The following PTPRD variants were observed in gnomAD, a reference collection of about 807,000 sequenced individuals.
The protein encoded by PTPRD is receptor-type tyrosine-protein phosphatase delta.
Under a neutral mutation model 214.5 loss-of-function variants are expected in PTPRD, and 34 were observed. The observed-to-expected ratio is 0.16, with a 90% CI of 0.12 to 0.21. PTPRD has a LOEUF of 0.21. Ranked by LOEUF, PTPRD falls within the 10% of genes least tolerant of loss-of-function variation. The pLI is 1.00. For synonymous variants in PTPRD, 1,128 were observed against 845.7 expected, an observed-to-expected ratio of 1.33 and a Z score of -5.79; for missense variants, 2,545 against 2,398.7, an observed-to-expected ratio of 1.06 and a Z score of -1.27.
intron 9 of PTPRD, among the ~76,000 whole-genome samples, chr9:9,370,152 T>G (rs373763297): frequency 6.6e-6 from 1 of 152,096 alleles, no homozygotes; most frequent in Non-Finnish European, 1.5e-5. Context: ...GTGAAGAAAG[T>G]CATTGGTAGC....
At chr9:8,855,119 G>C (rs552080497) in intron 11 of PTPRD, among the ~76,000 whole-genome samples, 13 of 86,442 alleles carry the variant, frequency 1.5e-4, no homozygotes, top group African/African-American at 5.4e-4. Flanking sequence ...TTGGGGGAAT[G>C]CCTACTTGAA....
At chr9:10,030,876 T>C (rs1197533909) in intron 4 of PTPRD, among the ~76,000 whole-genome samples, 1 of 152,208 alleles carries the variant, frequency 6.6e-6, no homozygotes, top group Non-Finnish European at 1.5e-5. Context: ...GAACTTTGAG[T>C]ACAAAGCTGC....
At position 10,020,088 on chromosome 9, in the gene PTPRD, T is replaced by C. The variant is rs114406357; in HGVS notation, c.-472+13630A>G. 9.2e-3 allele frequency among the ~76,000 whole-genome samples: 1,398 copies of C among 152,302 alleles called. 18 individuals carry two copies. The highest frequency in any genetic ancestry group is 0.032 in the African/African-American group (1,314 of 41,568). On this transcript the variant is annotated intron_variant, in intron 4 of 45. Transcript: ENST00000381196. ...AGAAAGACGGAAGTTATTAATAACC[T>C]TACTTTTGTGATTTGAAGAAGTTAA... is the stretch of plus-strand genomic sequence containing the variant.
At chr9:9,523,790 C>T (rs1021573490) in intron 8 of PTPRD, among the ~76,000 whole-genome samples, 1 of 152,172 alleles carries the variant, frequency 6.6e-6, no homozygotes, top group Admixed American at 6.5e-5. Flanking sequence ...CTCTATTTTA[C>T]TTCTCAGCTT....
At chr9:9,756,277 C>G (rs775592083) in intron 6 of PTPRD, among the ~76,000 whole-genome samples, 2 of 152,106 alleles carry the variant, frequency 1.3e-5, no homozygotes, top group African/African-American at 4.8e-5. Context: ...TCTATGGTTT[C>G]TCTCTCAGTA....
chr9:8,602,072 C>G (rs1208278876), intron 14 of PTPRD, among the ~76,000 whole-genome samples: 1 of 152,138 alleles, frequency 6.6e-6, no homozygotes, highest in South Asian at 2.1e-4. Context: ...TGCTACCAAA[C>G]AGAAGATGAA....
intron 7 of PTPRD, among the ~76,000 whole-genome samples, chr9:9,698,176 T>C (rs1355670047): frequency 6.6e-6 from 1 of 152,204 alleles, no homozygotes; most frequent in African/African-American, 2.4e-5. Flanking sequence ...CGGAAGGTCA[T>C]AGTTCCCTCT....
intron 3 of PTPRD, among the ~76,000 whole-genome samples, chr9:10,266,551 A>T (rs1242411349): frequency 6.6e-6 from 1 of 152,190 alleles, no homozygotes; most frequent in African/African-American, 2.4e-5. Flanking sequence ...TAATGTTATT[A>T]ACTAATGGTA....
At chr9:10,175,926 C>T (rs912279105) in intron 3 of PTPRD, among the ~76,000 whole-genome samples, 15 of 151,936 alleles carry the variant, frequency 9.9e-5, no homozygotes, top group Non-Finnish European at 2.9e-5. Context: ...TTCTTAATAG[C>T]ATTTTCCAAC....
chr9:8,625,953 G>T (rs746850712), intron 14 of PTPRD, among the ~76,000 whole-genome samples: 3 of 151,182 alleles, frequency 2.0e-5, no homozygotes, highest in Non-Finnish European at 3.0e-5. Context: ...GTTTAATGTG[G>T]CATTAATTCA....
chr9:9,742,743 G>C lies in PTPRD; in HGVS notation c.-325-8172C>G, dbSNP rs367665336. Among the ~76,000 whole-genome samples, 7 of 152,118 alleles carry C rather than the reference G, an allele frequency of 4.6e-5. No individual in the cohort carries two copies. In the East Asian group the frequency reaches 9.7e-4, roughly 21 times the overall value. ...ACCTAGACCTTAGTGTTTCCACTTA[G>C]ACACACCTGTTATAAATATCAACTC... On this transcript the variant is annotated intron_variant, in intron 6 of 45. Transcript: ENST00000381196.
intron 4 of PTPRD, among the ~76,000 whole-genome samples, chr9:9,950,645 AC>A (rs1374418104): frequency 3.9e-5 from 2 of 51,732 alleles, no homozygotes; most frequent in Non-Finnish European, 5.7e-5. Context: ...AATGGCGTGA[AC>A]CCCAGGGGGC....
chr9:10,150,095 A>G (rs897741357), intron 3 of PTPRD, among the ~76,000 whole-genome samples: 2 of 152,208 alleles, frequency 1.3e-5, no homozygotes, highest in Admixed American at 6.5e-5. Context: ...AAACCTGCAC[A>G]CTAAATTTTA....
chr9:10,573,600 C>G (rs2068171850), intron 2 of PTPRD, among the ~76,000 whole-genome samples: 1 of 152,050 alleles, frequency 6.6e-6, no homozygotes, highest in Non-Finnish European at 1.5e-5. Flanking sequence ...GCATTGAGAG[C>G]AGATGGAGAG....
rs2075284861 is a variant in PTPRD at position 10,590,923 on chromosome 9, ATATAT to A, written c.-600+21470_-600+21474del. On this transcript the variant is annotated intron_variant, in intron 2 of 45. Transcript: ENST00000381196. ...TATAAAATATATATAAATTATATAA[ATATAT>A]TACACTGTATATAGGTTATACCTAA... 2.7e-5 allele frequency among the ~76,000 whole-genome samples: 4 copies of A among 150,812 alleles called. No individual in the cohort carries two copies. The Admixed American group carries it at 2.7e-4, about 10-fold the overall frequency.
chr9:10,209,393 C>A (rs893497919), intron 3 of PTPRD, among the ~76,000 whole-genome samples: 5 of 152,128 alleles, frequency 3.3e-5, no homozygotes, highest in Non-Finnish European at 5.9e-5. Context: ...TTAAATTATA[C>A]TTCTGCTCAG....
intron 5 of PTPRD, among the ~76,000 whole-genome samples, chr9:9,810,783 G>A (rs1400487864): frequency 1.3e-5 from 2 of 151,904 alleles, no homozygotes; most frequent in African/African-American, 4.8e-5. Flanking sequence ...AGGTCTTATT[G>A]TTAAACAAAT....
In PTPRD at chr9:8,346,393, G is replaced by C. The variant is rs890301427; in HGVS notation, c.4662-4415C>G. Reference sequence around the variant, plus strand: ...TGAGGTGAAAACATCATATAGAGTAGTCCCCTTTTATCTGTGGTTTTGACT... The same window carrying C: ...TGAGGTGAAAACATCATATAGAGTACTCCCCTTTTATCTGTGGTTTTGACT... On this transcript the variant is annotated intron_variant, in intron 39 of 45. Transcript: ENST00000381196. Among the ~76,000 whole-genome samples the C allele has an allele frequency of 3.3e-5, 5 of 152,082 alleles. No individual in the cohort carries two copies. In the South Asian group the frequency reaches 6.2e-4, roughly 19 times the overall value.
intron 3 of PTPRD, among the ~76,000 whole-genome samples, chr9:10,124,856 A>G (rs969625782): frequency 2.6e-5 from 4 of 152,230 alleles, no homozygotes; most frequent in Non-Finnish European, 4.4e-5. Context: ...TATAACATAA[A>G]CAGATCTATT....
Sources: gnomAD v4.1 joint callset for allele counts (sites outside exome capture counted in the v4.1 genomes callset) on GRCh38, gnomAD v4.1.1 for gene constraint, MANE v1.5 for transcripts, NCBI Gene and HGNC (gene_info 2026-07-23, HGNC 2026-07-21) for gene names.